Variants in STAB2 observed in about 807,000 individuals in gnomAD.
STAB2 encodes stabilin-2.
Under a neutral mutation model 338.1 loss-of-function variants are expected in STAB2, and 288 were observed. That is an observed-to-expected ratio of 0.85 (90% CI 0.77 to 0.94). The LOEUF is 0.94. STAB2 is among the 40% of genes least tolerant of loss of function. The probability of loss-of-function intolerance (pLI) is 0.00; values close to 1 mark genes in which losing one functional copy is unlikely to be tolerated. For missense variants in STAB2, 3,141 were observed against 3,210.1 expected, an observed-to-expected ratio of 0.98 and a Z score of 0.52; for synonymous variants, 1,202 against 1,193.3, an observed-to-expected ratio of 1.01 and a Z score of -0.15.
Position 103,587,676 on chromosome 12 carries a change from G to T in STAB2, c.81+119G>T, listed in dbSNP as rs1047288261. On this transcript the variant is annotated intron_variant, in intron 1 of 68. Coordinates refer to ENST00000388887, the MANE Select transcript of STAB2 (RefSeq NM_017564.10). ...AAATCTGGACTTTATAAAATACAGA[G>T]AATGTTTTTGGAGACTAAGTCCTAA... The T allele has an allele frequency of 8.0e-5, 65 of 814,448 alleles. No homozygotes were observed. The African/African-American group carries it at 9.7e-4, about 12-fold the overall frequency. The allele number at this position is 814,448 out of a possible 1,614,324, so 50.5% of individuals were successfully genotyped here.
chr12:103,608,901 A>G (rs1043566792), intron 3 of STAB2, among the ~76,000 whole-genome samples: 2 of 152,232 alleles, frequency 1.3e-5, no homozygotes, highest in African/African-American at 4.8e-5. Context: ...AGCTTTCTAC[A>G]TACGGCTAGC....
chr12:103,660,394 A>G lies in STAB2; in HGVS notation c.1788+10A>G. ...TGTCCCATTTACCCAGGTTGGCCCC[A>G]CTTTTCCTGCTGCTACTTTCTCTCT... On this transcript the variant is annotated intron_variant, in intron 16 of 68. Coordinates refer to ENST00000388887, the MANE Select transcript of STAB2 (RefSeq NM_017564.10). 6.2e-7 allele frequency: 1 copy of G among 1,614,126 alleles called. No individual in the cohort carries two copies. The highest frequency in any genetic ancestry group is 8.5e-7 in the Non-Finnish European group (1 of 1,179,992).
Position 103,728,941 on chromosome 12 carries a change from G to T in STAB2, c.5028G>T (p.Leu1676Phe), listed in dbSNP as rs769605671. Residue 1676 changes from leucine (L) to phenylalanine (F), a missense_variant, in exon 48 of 69, where the codon TTG (leucine) becomes TTT (phenylalanine). Physicochemically the swap from Leu to Phe is conservative, Grantham distance 22. Transcript: ENST00000388887. ...AGCTGCTTCTGGAAAACCTGAAATT[G>T]ATCTCAAATGCTACTTCCCTCCAAG... The part of the protein sequence containing the change: ...CHQLLLENLK[L>F]ISNATSLQGE... 2 of 1,613,814 alleles carry T rather than the reference G, an allele frequency of 1.2e-6. No homozygotes were observed. The highest frequency in any genetic ancestry group is 1.3e-5 in the African/African-American group (1 of 74,916).
chr12:103,678,596 G>A (rs879372488), intron 25 of STAB2, among the ~76,000 whole-genome samples: 1 of 152,216 alleles, frequency 6.6e-6, no homozygotes, highest in Admixed American at 6.5e-5. Context: ...GCACGATCTC[G>A]GCTCACTGCA....
At chr12:103,632,978 T>C (rs901017245) in intron 6 of STAB2, among the ~76,000 whole-genome samples, 5 of 152,234 alleles carry the variant, frequency 3.3e-5, no homozygotes, top group Non-Finnish European at 4.4e-5. Context: ...ACTCATTTTA[T>C]TGGAAGCGGT....
intron 18 of STAB2, among the ~76,000 whole-genome samples, chr12:103,664,650 T>C (rs1874916699): frequency 6.6e-6 from 1 of 152,222 alleles, no homozygotes; most frequent in Non-Finnish European, 1.5e-5. Flanking sequence ...TCTCATTTTA[T>C]TTATTGTTTT....
At chr12:103,652,430 G>T (rs1873811309) in intron 11 of STAB2, 126 bp from the exon 12 acceptor site, 2 of 762,666 alleles carry the variant, frequency 2.6e-6, no homozygotes, top group Admixed American at 3.6e-5. Context: ...ATTTGTATTT[G>T]CAAAAGCCCA....
At chr12:103,676,299 T>C (rs185418917) in intron 24 of STAB2, among the ~76,000 whole-genome samples, 22 of 152,074 alleles carry the variant, frequency 1.4e-4, no homozygotes, top group African/African-American at 5.1e-4. Flanking sequence ...CCTCGTGATC[T>C]GCCCACCTTG....
chr12:103,742,253 T>C, intron 55 of STAB2, 152 bp from the exon 56 acceptor site: 1 of 920,960 alleles, frequency 1.1e-6, no homozygotes, highest in Non-Finnish European at 1.6e-6. Flanking sequence ...TCATGTCCCA[T>C]AGGCCAGTGA....
chr12:103,740,798 A>G, intron 55 of STAB2, 42 bp downstream of exon 55: 1 of 1,528,246 alleles, frequency 6.5e-7, no homozygotes, highest in Non-Finnish European at 8.7e-7. Context: ...AAAAGTGGTA[A>G]TATGCTCCTG....
chr12:103,609,053 T>C (rs1957078930), intron 3 of STAB2, among the ~76,000 whole-genome samples: 1 of 152,336 alleles, frequency 6.6e-6, no homozygotes, highest in South Asian at 2.1e-4. Context: ...TATATCGCTG[T>C]TTTGGTACCA....
Position 103,689,912 on chromosome 12 carries a change from G to A in STAB2, c.3112G>A (p.Ala1038Thr). 1 of 1,614,138 alleles carries A rather than the reference G, an allele frequency of 6.2e-7. No individual in the cohort carries two copies. The highest frequency in any genetic ancestry group is 1.7e-4 in the Middle Eastern group (1 of 6,060). ...NLTVLVPSQQ[A>T]TEDMDQDEKS... ...CACTGTCCTCGTGCCTTCCCAACAA[G>A]CTACTGAGGACATGGACCAGGATGA... The change falls in exon 29 of 69, where the codon GCT (alanine) becomes ACT (threonine). Residue 1038 changes from alanine (A) to threonine (T), a missense_variant. Physicochemically the swap from Ala to Thr is moderately conservative, Grantham distance 58. Transcript: ENST00000388887.
intron 4 of STAB2, among the ~76,000 whole-genome samples, chr12:103,621,733 T>C (rs1347941326): frequency 6.6e-6 from 1 of 152,160 alleles, no homozygotes; most frequent in Non-Finnish European, 1.5e-5. Flanking sequence ...AAAACAAAAA[T>C]GCAAAACTGA....
chr12:103,713,591 C>T, intron 41 of STAB2, 52 bp from the exon 42 acceptor site: 3 of 1,602,594 alleles, frequency 1.9e-6, no homozygotes, highest in South Asian at 1.1e-5. Flanking sequence ...AAAAATACAT[C>T]AATGGCTTTT....
At chr12:103,716,473 C>A (rs1258384563) in intron 43 of STAB2, among the ~76,000 whole-genome samples, 4 of 152,168 alleles carry the variant, frequency 2.6e-5, no homozygotes, top group African/African-American at 9.7e-5. Flanking sequence ...GGTGAACAAG[C>A]AAAATGGCCA....
At position 103,677,342 on chromosome 12, in the gene STAB2, C is replaced by G. The variant is rs374744885; in HGVS notation, c.2647-111C>G. The G allele has an allele frequency of 5.8e-6, 8 of 1,378,272 alleles. No homozygotes were observed. The African/African-American group carries it at 1.0e-4, about 17-fold the overall frequency. The allele number at this position is 1,378,272 out of a possible 1,614,324, so 85.4% of individuals were successfully genotyped here. A position where few individuals can be genotyped will look rare whatever the true frequency, so the allele number is the denominator to read the frequency against. On this transcript the variant is annotated intron_variant, in intron 24 of 68. Transcript: ENST00000388887. ...GTAAATTAAGCATTTCCACCTCACT[C>G]AATGCAAATCTGTGTTTCTGGAACA...
chr12:103,626,770 G>A (rs934660042), intron 5 of STAB2, among the ~76,000 whole-genome samples: 2 of 152,174 alleles, frequency 1.3e-5, no homozygotes, highest in Non-Finnish European at 2.9e-5. Context: ...TCTATTAGGT[G>A]CAGTTTATTT....
At chr12:103,679,098 G>A (rs954095085) in intron 25 of STAB2, among the ~76,000 whole-genome samples, 12 of 152,154 alleles carry the variant, frequency 7.9e-5, no homozygotes, top group South Asian at 4.2e-4. Context: ...AACATGGGCC[G>A]GGCACTGTGG....
At chr12:103,629,526 C>G (rs1018034) in intron 5 of STAB2, among the ~76,000 whole-genome samples, 1 of 152,004 alleles carries the variant, frequency 6.6e-6, no homozygotes, top group Non-Finnish European at 1.5e-5. Flanking sequence ...GCTGCTGGAG[C>G]CAGAGGAGCA....
Sources: allele counts gnomAD v4.1 joint callset (sites outside exome capture counted in the v4.1 genomes callset), GRCh38; gene constraint gnomAD v4.1.1; transcripts MANE v1.5; gene names NCBI Gene and HGNC (gene_info 2026-07-23, HGNC 2026-07-21).